CCDC192: variants seen among roughly 807,000 people sequenced by gnomAD.
CCDC192 encodes the protein coiled-coil domain-containing protein 192.
At chr5:127,890,730 A>T (rs1365452894) in intron 6 of CCDC192, among the ~76,000 whole-genome samples, 1 of 152,224 alleles carries the variant, frequency 6.6e-6, no homozygotes, top group Non-Finnish European at 1.5e-5. Flanking sequence ...TTAGCCTGAC[A>T]TTCAGGGCCC....
chr5:127,917,468 TTTTCTAGC>T (rs1358633811), intron 6 of CCDC192, among the ~76,000 whole-genome samples: 2 of 152,228 alleles, frequency 1.3e-5, no homozygotes, highest in Non-Finnish European at 2.9e-5. Flanking sequence ...AAGCTTAATC[TTTTCTAGC>T]TTTTGATTTA....
chr5:127,775,158 C>A (rs1755785457), intron 3 of CCDC192, among the ~76,000 whole-genome samples: 1 of 152,142 alleles, frequency 6.6e-6, no homozygotes, highest in African/African-American at 2.4e-5. Flanking sequence ...CCAGGGCTAG[C>A]CAATTCCTAG....
chr5:127,921,568 A>T (rs1245624242), intron 6 of CCDC192, among the ~76,000 whole-genome samples: 2 of 152,264 alleles, frequency 1.3e-5, no homozygotes, highest in Non-Finnish European at 2.9e-5. Context: ...ATAAATGCTC[A>T]GAAGTCCAAA....
chr5:127,761,728 A>G (rs540792649), intron 3 of CCDC192, among the ~76,000 whole-genome samples: 4 of 152,262 alleles, frequency 2.6e-5, no homozygotes, highest in Middle Eastern at 6.8e-3. Context: ...TGAGAGTTTT[A>G]ACTATTTTGC....
chr5:127,845,058 G>C (rs1385410968), intron 5 of CCDC192, among the ~76,000 whole-genome samples: 1 of 152,202 alleles, frequency 6.6e-6, no homozygotes, highest in Non-Finnish European at 1.5e-5. Context: ...AAATAACCCT[G>C]AGATACTAAG....
intron 6 of CCDC192, among the ~76,000 whole-genome samples, chr5:127,928,148 G>A (rs984961067): frequency 4.0e-5 from 6 of 151,888 alleles, no homozygotes; most frequent in African/African-American, 7.3e-5. Flanking sequence ...AGCTGGTCTC[G>A]AACTCAGGTA....
chr5:127,795,326 T>C (rs1211043810), intron 3 of CCDC192, among the ~76,000 whole-genome samples: 1 of 151,766 alleles, frequency 6.6e-6, no homozygotes, highest in Non-Finnish European at 1.5e-5. Context: ...TGGTAAATAT[T>C]TAGATAAAAC....
chr5:127,892,021 T>C (rs1752746585), intron 6 of CCDC192, among the ~76,000 whole-genome samples: 2 of 152,198 alleles, frequency 1.3e-5, no homozygotes, highest in Admixed American at 6.5e-5. Flanking sequence ...AGAAGTACTG[T>C]CTTTTTTTTA....
chr5:127,795,304 A>G (rs61354564), intron 3 of CCDC192, among the ~76,000 whole-genome samples: 7,228 of 151,538 alleles, frequency 0.048, 607 homozygotes, highest in African/African-American at 0.17. Flanking sequence ...AAAAAAAAAA[A>G]AAAAAACAAT....
At chr5:127,925,131 T>G (rs976904541) in intron 6 of CCDC192, among the ~76,000 whole-genome samples, 6 of 127,966 alleles carry the variant, frequency 4.7e-5, no homozygotes, top group African/African-American at 2.3e-4. Context: ...TGGATTTGAG[T>G]CTAACCTGAA....
chr5:127,717,928 C>CAAAAAAAAAAAAAAAAGAAAAA (rs1751719821), intron 2 of CCDC192, among the ~76,000 whole-genome samples: 10 of 98,062 alleles, frequency 1.0e-4, no homozygotes, highest in Admixed American at 2.2e-4. Flanking sequence ...TAAAGCTAGA[C>CAAAAAAAAAAAAAAAAGAAAAA]AAAAAAAAAA....
At chr5:127,914,386 G>A (rs960896217) in intron 6 of CCDC192, among the ~76,000 whole-genome samples, 6 of 151,962 alleles carry the variant, frequency 3.9e-5, no homozygotes, top group African/African-American at 1.5e-4. Context: ...GTATGGTCTG[G>A]GACAATATTC....
At chr5:127,706,255 G>A (rs893887834) in intron 1 of CCDC192, among the ~76,000 whole-genome samples, 11 of 152,022 alleles carry the variant, frequency 7.2e-5, no homozygotes, top group Non-Finnish European at 1.0e-4. Flanking sequence ...TTGGCAGGGC[G>A]CAGTGGCTCA....
chr5:127,928,010 C>T (rs1010281173), intron 6 of CCDC192, among the ~76,000 whole-genome samples: 1 of 150,814 alleles, frequency 6.6e-6, no homozygotes, highest in African/African-American at 2.4e-5. Context: ...TCACTGCAGC[C>T]TCCACCTCCC....
At chr5:127,729,869 T>C (rs1273026572) in intron 2 of CCDC192, among the ~76,000 whole-genome samples, 1 of 151,960 alleles carries the variant, frequency 6.6e-6, no homozygotes, top group African/African-American at 2.4e-5. Flanking sequence ...GCAGCTACAG[T>C]AGTGTTAAGA....
intron 3 of CCDC192, chr5:127,786,730 C>T: frequency 1.4e-6 from 1 of 721,148 alleles, no homozygotes; most frequent in South Asian, 1.5e-5. Flanking sequence ...AAATCTTCTC[C>T]ATGCTTAAGA....
chr5:127,807,108 G>A (rs1263459794), intron 5 of CCDC192, among the ~76,000 whole-genome samples: 2 of 152,170 alleles, frequency 1.3e-5, no homozygotes, highest in African/African-American at 2.4e-5. Flanking sequence ...ACGTAAAGTT[G>A]TGAAGTGAGA....
At chr5:127,813,722 G>A (rs1439622299) in intron 5 of CCDC192, among the ~76,000 whole-genome samples, 1 of 152,156 alleles carries the variant, frequency 6.6e-6, no homozygotes. Flanking sequence ...AAGCAGATGT[G>A]ATTTCTGCAA....
rs114722516 is a variant in CCDC192 at position 127,772,846 on chromosome 5, G to A, written c.222+18471G>A. Among the ~76,000 whole-genome samples, 1,147 of 152,176 alleles carry A rather than the reference G, an allele frequency of 7.5e-3. 16 individuals are homozygous for A. The highest frequency in any genetic ancestry group is 0.026 in the African/African-American group (1,098 of 41,558). On this transcript the variant is annotated intron_variant, in intron 3 of 6. Coordinates refer to ENST00000514853, the MANE Select transcript of CCDC192 (RefSeq NM_001317938.2). Reference sequence around the variant, plus strand: ...TGGGTTTTAGTTAGCAAGAGATAAAGGGGGAAAAAGACTCATGGGAAATAG... The same window carrying A: ...TGGGTTTTAGTTAGCAAGAGATAAAAGGGGAAAAAGACTCATGGGAAATAG...
Sources: allele counts gnomAD v4.1 joint callset (sites outside exome capture counted in the v4.1 genomes callset), GRCh38; gene constraint gnomAD v4.1.1; transcripts MANE v1.5; gene names NCBI Gene and HGNC (gene_info 2026-07-23, HGNC 2026-07-21).